Variants in OR2T35 observed in about 807,000 individuals in gnomAD.
The protein encoded by OR2T35 is olfactory receptor 2T35.
For missense variants in OR2T35, 47 were observed against 278.8 expected (o/e 0.17, Z 5.92); for synonymous variants, 18 against 110.2 (o/e 0.16, Z 5.24).
chr1:248,644,927 T>C (rs1468258076), intron 1 of OR2T35, among the ~76,000 whole-genome samples: 1 of 121,244 alleles, frequency 8.2e-6, no homozygotes, highest in African/African-American at 3.0e-5. Context: ...ATGATGTGAA[T>C]TTCTCTTTTC....
intron 1 of OR2T35, among the ~76,000 whole-genome samples, chr1:248,642,216 C>CA (rs61189391): frequency 0.01 from 545 of 53,598 alleles, 7 homozygotes; most frequent in Middle Eastern, 0.029. Flanking sequence ...CTAGTCTTTC[C>CA]AAAAAAAAAA....
Position 248,642,227 on chromosome 1 carries a change from AAAAAAAAAG to A in OR2T35, c.-22-2956_-22-2948del, listed in dbSNP as rs1313082456. ...TCAACTAGTCTTTCCAAAAAAAAAA[AAAAAAAAAG>A]AAAAAGAAAAAGAAAAAGCTTTTAT... is the stretch of plus-strand genomic sequence containing the variant. On this transcript the variant is annotated intron_variant, in intron 1 of 1. Transcript: ENST00000641268. Among the ~76,000 whole-genome samples, 20 of 59,458 alleles carry A rather than the reference AAAAAAAAAG, an allele frequency of 3.4e-4. No individual in the cohort carries two copies. In the East Asian group the frequency reaches 4.6e-3, roughly 14 times the overall value. The allele number at this position is 59,458 out of a possible 152,430, so 39.0% of individuals were successfully genotyped here.
intron 1 of OR2T35, among the ~76,000 whole-genome samples, chr1:248,644,194 A>C (rs1453721816): frequency 3.6e-3 from 432 of 119,090 alleles, no homozygotes; most frequent in African/African-American, 0.013. Context: ...CAGGTTAACT[A>C]AAACTATGGA....
At chr1:248,639,530 G>A (rs532067801) in intron 1 of OR2T35, among the ~76,000 whole-genome samples, 1 of 148,706 alleles carries the variant, frequency 6.7e-6, no homozygotes, top group East Asian at 2.0e-4. Flanking sequence ...AGATGTAAAT[G>A]TAATTCATAC....
At chr1:248,644,998 C>CTATT (rs3033624) in intron 1 of OR2T35, among the ~76,000 whole-genome samples, 29,552 of 39,380 alleles carry the variant, frequency 0.75, 11,191 homozygotes, top group East Asian at 1. Flanking sequence ...CTTTATCTGC[C>CTATT]TATTTAAATG....
At chr1:248,639,698 T>A (rs1660766446) in intron 1 of OR2T35, among the ~76,000 whole-genome samples, 1 of 68,654 alleles carries the variant, frequency 1.5e-5, no homozygotes, top group African/African-American at 4.4e-5. Context: ...GCTCTCTGCA[T>A]CTCCATCGAG....
chr1:248,641,482 G>C (rs1487337746), intron 1 of OR2T35, among the ~76,000 whole-genome samples: 2 of 46,516 alleles, frequency 4.3e-5, no homozygotes, highest in Non-Finnish European at 1.6e-4. Flanking sequence ...ACATGAACCA[G>C]AGCATTTTGT....
At chr1:248,642,231 A>AAAG (rs1553273949) in intron 1 of OR2T35, among the ~76,000 whole-genome samples, 4 of 56,562 alleles carry the variant, frequency 7.1e-5, no homozygotes, top group African/African-American at 9.5e-5. Flanking sequence ...AAAAAAAAAA[A>AAAG]AAAAGAAAAA....
intron 1 of OR2T35, among the ~76,000 whole-genome samples, chr1:248,644,947 A>AT (rs1437929902): frequency 3.6e-4 from 37 of 102,064 alleles, no homozygotes; most frequent in African/African-American, 1.2e-3. Flanking sequence ...CCCTTACCTT[A>AT]TCTCCAGTTC....
chr1:248,638,309 G>T lies in OR2T35; in HGVS notation c.950C>A (p.Ala317Glu), dbSNP rs150878651. 7 of 379,726 alleles carry T rather than the reference G, an allele frequency of 1.8e-5. 1 individual carries two copies. Among genetic ancestry groups the T allele is most frequent in the East Asian group, 4.4e-5 (1 of 22,946 alleles). The allele number at this position is 379,726 out of a possible 1,614,324, so 23.5% of individuals were successfully genotyped here. A position where few individuals can be genotyped will look rare whatever the true frequency, so the allele number is the denominator to read the frequency against. Residue 317 changes from alanine to glutamate, a missense_variant, in exon 2 of 2, where the codon GCG (alanine) becomes GAG (glutamate). Ala to Glu is a moderately radical substitution (Grantham distance 107). Coordinates refer to ENST00000641268, the MANE Select transcript of OR2T35 (RefSeq NM_001001827.2). ...CTGCTAGCCCTTCCTGATCACAGTC[G>T]CCACCCTGATGCTCTGGGAGGAACC... ...RCGSSQSIRV[A>E]TVIRKG
intron 1 of OR2T35, among the ~76,000 whole-genome samples, chr1:248,644,603 G>A (rs1245920236): frequency 1.4e-5 from 2 of 144,582 alleles, no homozygotes; most frequent in African/African-American, 2.6e-5. Context: ...GGAAAGTGAA[G>A]GCAGAGAGAC....
chr1:248,639,392 G>C (rs1161519724), intron 1 of OR2T35, 112 bp from the exon 2 acceptor site: 2 of 597,388 alleles, frequency 3.3e-6, no homozygotes, highest in Non-Finnish European at 6.1e-6. Flanking sequence ...ACCTACTTCA[G>C]GATCATTTGA....
In OR2T35 at chr1:248,644,826, T is replaced by A. The variant is rs551080719; in HGVS notation, c.-23+421A>T. On this transcript the variant is annotated intron_variant, in intron 1 of 1. Transcript: ENST00000641268. ...CTACCTACACAAGCTACTCCTGTACTCCGTCTGCTTTTATGAATGAATGCA... is the reference window on the plus strand; with the variant it reads ...CTACCTACACAAGCTACTCCTGTACACCGTCTGCTTTTATGAATGAATGCA... Among the ~76,000 whole-genome samples, 28 of 140,414 alleles carry A rather than the reference T, an allele frequency of 2.0e-4. 1 individual carries two copies. The highest frequency in any genetic ancestry group is 1.4e-3 in the Admixed American group (20 of 14,172). 92.1% of individuals were successfully genotyped at this position (140,414 alleles called of 152,430 possible). A position where few individuals can be genotyped will look rare whatever the true frequency, so the allele number is the denominator to read the frequency against.
intron 1 of OR2T35, among the ~76,000 whole-genome samples, chr1:248,641,713 A>AAG (rs1553273901): frequency 0.049 from 3,538 of 71,538 alleles, 94 homozygotes; most frequent in African/African-American, 0.12. Flanking sequence ...AAAAAAAAAA[A>AAG]AGGTTCCTTG....
At position 248,644,731 on chromosome 1, in the gene OR2T35, TTAA is replaced by T. The variant is rs541559032; in HGVS notation, c.-23+513_-23+515del. ...GGCAGTTTTAGTCTTGAAAGCAAGA[TTAA>T]TATTAATTGCTACTCATAAGTGTTC... On this transcript the variant is annotated intron_variant, in intron 1 of 1. Coordinates refer to ENST00000641268, the MANE Select transcript of OR2T35 (RefSeq NM_001001827.2). 8.5e-4 allele frequency among the ~76,000 whole-genome samples: 120 copies of T among 140,578 alleles called. 2 individuals carry two copies. Among genetic ancestry groups the T allele is most frequent in the Non-Finnish European group, 1.4e-3 (89 of 63,792 alleles). 92.2% of individuals were successfully genotyped at this position (140,578 alleles called of 152,430 possible).
At chr1:248,641,629 G>A (rs1464380108) in intron 1 of OR2T35, among the ~76,000 whole-genome samples, 2 of 76,902 alleles carry the variant, frequency 2.6e-5, no homozygotes, top group African/African-American at 6.3e-5. Flanking sequence ...GAAGAGGAGA[G>A]TAAAAAAGCT....
intron 1 of OR2T35, among the ~76,000 whole-genome samples, chr1:248,643,004 T>C (rs1301839626): frequency 1.6e-5 from 2 of 127,472 alleles, no homozygotes; most frequent in Non-Finnish European, 3.4e-5. Flanking sequence ...AAGGGGCACA[T>C]AGTTAAGTTT....
At chr1:248,641,828 T>C (rs1414281658) in intron 1 of OR2T35, among the ~76,000 whole-genome samples, 1 of 83,680 alleles carries the variant, frequency 1.2e-5, no homozygotes, top group African/African-American at 2.9e-5. Context: ...GGGATATGTG[T>C]AGGGAAAAGG....
chr1:248,644,605 C>CAG (rs1481977374), intron 1 of OR2T35, among the ~76,000 whole-genome samples: 1 of 144,432 alleles, frequency 6.9e-6, no homozygotes, highest in African/African-American at 2.6e-5. Flanking sequence ...AAAGTGAAGG[C>CAG]AGAGAGACCA....
Sources: allele counts gnomAD v4.1 joint callset (sites outside exome capture counted in the v4.1 genomes callset), GRCh38; gene constraint gnomAD v4.1.1; transcripts MANE v1.5; gene names NCBI Gene and HGNC (gene_info 2026-07-23, HGNC 2026-07-21).